PDE4D: variants seen among roughly 807,000 people sequenced by gnomAD.
The protein encoded by PDE4D is 3',5'-cyclic-AMP phosphodiesterase 4D.
Under a neutral mutation model 87.4 loss-of-function variants are expected in PDE4D, and 24 were observed. The observed-to-expected ratio is 0.27, with a 90% CI of 0.20 to 0.39. The LOEUF (loss-of-function observed/expected upper bound fraction) is 0.39, where lower values mean the gene tolerates loss of function less well. PDE4D is among the 10% of genes least tolerant of loss of function. The probability of loss-of-function intolerance (pLI) is 1.00; values close to 1 mark genes in which losing one functional copy is unlikely to be tolerated. For synonymous variants in PDE4D, 384 were observed against 383.2 expected (o/e 1.00, Z -0.02); for missense variants, 714 against 1,041.0 (o/e 0.69, Z 4.32).
intron 2 of PDE4D, among the ~76,000 whole-genome samples, chr5:60,005,137 T>C (rs908837872): frequency 2.6e-5 from 4 of 152,010 alleles, no homozygotes; most frequent in Non-Finnish European, 4.4e-5. Flanking sequence ...GAAAAACAAA[T>C]CCTGCCATTT....
At chr5:59,665,334 T>G (rs1745901932) in intron 1 of PDE4D, among the ~76,000 whole-genome samples, 1 of 152,230 alleles carries the variant, frequency 6.6e-6, no homozygotes, top group Non-Finnish European at 1.5e-5. Context: ...CTATTATTGA[T>G]CCTGACATTC....
At chr5:59,775,529 C>T (rs996381827) in intron 1 of PDE4D, among the ~76,000 whole-genome samples, 13 of 152,262 alleles carry the variant, frequency 8.5e-5, no homozygotes, top group South Asian at 8.3e-4. Flanking sequence ...ATAACTTCCT[C>T]GAAGTCATCC....
At chr5:59,188,029 G>C (rs1041640072) in intron 3 of PDE4D, among the ~76,000 whole-genome samples, 1 of 151,990 alleles carries the variant, frequency 6.6e-6, no homozygotes, top group East Asian at 1.9e-4. Flanking sequence ...GTTACTGCAG[G>C]CTGTGGGGAG....
chr5:59,653,098 A>G, intron 1 of PDE4D, among the ~76,000 whole-genome samples: 1 of 152,076 alleles, frequency 6.6e-6, no homozygotes, highest in East Asian at 1.9e-4. Context: ...AAACTGAAAG[A>G]TATCATCCAA....
intron 4 of PDE4D, among the ~76,000 whole-genome samples, chr5:59,183,253 G>A (rs915011740): frequency 3.9e-5 from 6 of 152,218 alleles, no homozygotes; most frequent in African/African-American, 1.4e-4. Flanking sequence ...TTTACTTAGA[G>A]TCTGCCAGAT....
chr5:60,177,789 T>C (rs928101652), intron 2 of PDE4D, among the ~76,000 whole-genome samples: 4 of 152,194 alleles, frequency 2.6e-5, no homozygotes, highest in African/African-American at 4.8e-5. Context: ...ATGAGTGATA[T>C]AGACACCGGT....
At chr5:59,192,791 G>C (rs1167962017) in intron 3 of PDE4D, among the ~76,000 whole-genome samples, 1 of 152,096 alleles carries the variant, frequency 6.6e-6, no homozygotes, top group African/African-American at 2.4e-5. Flanking sequence ...AAAATACTAA[G>C]GCCTTTAACA....
intron 1 of PDE4D, among the ~76,000 whole-genome samples, chr5:59,406,842 T>C (rs947935218): frequency 2.0e-5 from 3 of 152,234 alleles, no homozygotes; most frequent in Admixed American, 6.5e-5. Context: ...ACGAAGTTTA[T>C]TTTTTCTGAA....
intron 5 of PDE4D, among the ~76,000 whole-genome samples, chr5:59,110,601 G>A (rs745669788): frequency 7.2e-5 from 11 of 152,204 alleles, no homozygotes; most frequent in Non-Finnish European, 1.3e-4. Flanking sequence ...GTTGAGCACC[G>A]TGGCTCATGC....
At chr5:59,755,751 A>C (rs1461515584) in intron 1 of PDE4D, among the ~76,000 whole-genome samples, 1 of 152,118 alleles carries the variant, frequency 6.6e-6, no homozygotes, top group Non-Finnish European at 1.5e-5. Flanking sequence ...GAAGGCAAAC[A>C]AGCAGGAATG....
chr5:59,033,952 G>A (rs745456344), intron 6 of PDE4D, among the ~76,000 whole-genome samples: 24 of 152,080 alleles, frequency 1.6e-4, no homozygotes, highest in Non-Finnish European at 3.1e-4. Flanking sequence ...GGAACTGAAC[G>A]GATGACAACA....
intron 1 of PDE4D, among the ~76,000 whole-genome samples, chr5:60,359,668 C>T (rs1759893502): frequency 6.6e-6 from 1 of 152,214 alleles, no homozygotes. Flanking sequence ...AAGGACAACA[C>T]TTTCAGTAAA....
intron 5 of PDE4D, among the ~76,000 whole-genome samples, chr5:59,128,012 A>T (rs1775714777): frequency 1.2e-5 from 1 of 81,820 alleles, no homozygotes; most frequent in African/African-American, 4.4e-5. Flanking sequence ...GAGCTTTCAG[A>T]GCCGTGTGTG....
At chr5:59,365,731 C>G (rs574035390) in intron 1 of PDE4D, among the ~76,000 whole-genome samples, 2 of 152,166 alleles carry the variant, frequency 1.3e-5, no homozygotes, top group African/African-American at 4.8e-5. Flanking sequence ...GGTCCTGGTG[C>G]CTCCTTACAA....
intron 2 of PDE4D, among the ~76,000 whole-genome samples, chr5:60,014,647 G>T (rs1379721698): frequency 6.6e-6 from 1 of 152,186 alleles, no homozygotes; most frequent in Admixed American, 6.5e-5. Context: ...CTGTCTTAAA[G>T]AGACTTGGGG....
intron 2 of PDE4D, among the ~76,000 whole-genome samples, chr5:60,110,823 A>T (rs754542977): frequency 2.1e-4 from 32 of 152,288 alleles, no homozygotes; most frequent in Middle Eastern, 3.4e-3. Context: ...ATTCAGCCAC[A>T]AAAAGATAAT....
At chr5:59,930,150 G>A (rs1447858628) in intron 3 of PDE4D, among the ~76,000 whole-genome samples, 2 of 116,842 alleles carry the variant, frequency 1.7e-5, no homozygotes, top group Non-Finnish European at 3.3e-5. Flanking sequence ...GCAACAGAGC[G>A]AGACTCCGTC....
intron 1 of PDE4D, among the ~76,000 whole-genome samples, chr5:59,788,120 G>A (rs897310925): frequency 1.3e-5 from 2 of 152,128 alleles, no homozygotes; most frequent in African/African-American, 2.4e-5. Context: ...CTAGTATGGT[G>A]TATCTCTATA....
intron 1 of PDE4D, among the ~76,000 whole-genome samples, chr5:59,652,342 A>G (rs1020545540): frequency 1.3e-5 from 2 of 152,202 alleles, no homozygotes; most frequent in African/African-American, 4.8e-5. Context: ...GAAAAAATGA[A>G]CCTTAGACAA....
Sources: allele counts gnomAD v4.1 joint callset (sites outside exome capture counted in the v4.1 genomes callset), GRCh38; gene constraint gnomAD v4.1.1; transcripts MANE v1.5; gene names NCBI Gene and HGNC (gene_info 2026-07-23, HGNC 2026-07-21).